The following NPEPPS variants were observed in gnomAD, a reference collection of about 807,000 sequenced individuals.
NPEPPS encodes aminopeptidase puromycin sensitive, also known as puromycin-sensitive aminopeptidase.
In NPEPPS, 14 loss-of-function variants were observed where a neutral mutation model predicts 115.5. That is an observed-to-expected ratio of 0.12 (90% CI 0.08 to 0.19). The LOEUF is 0.19. Ranked by LOEUF, NPEPPS falls within the 10% of genes least tolerant of loss-of-function variation. The probability of loss-of-function intolerance (pLI) is 1.00; values close to 1 mark genes in which losing one functional copy is unlikely to be tolerated. For missense variants in NPEPPS, 523 were observed against 1,110.8 expected (o/e 0.47, Z 7.52); for synonymous variants, 285 against 390.6 (o/e 0.73, Z 3.19).
At chr17:47,532,672 A>AG (rs1487298221) in intron 1 of NPEPPS, among the ~76,000 whole-genome samples, 1 of 151,272 alleles carries the variant, frequency 6.6e-6, no homozygotes, top group African/African-American at 2.4e-5. Context: ...AAAAAAAAAA[A>AG]AAAAAAAAAG....
At chr17:47,544,380 A>T (rs1909031067) in intron 1 of NPEPPS, among the ~76,000 whole-genome samples, 1 of 152,180 alleles carries the variant, frequency 6.6e-6, no homozygotes. Flanking sequence ...TTATAGTGTC[A>T]GCCTTCTTCC....
chr17:47,534,501 A>T (rs554714587), intron 1 of NPEPPS, among the ~76,000 whole-genome samples: 1 of 152,200 alleles, frequency 6.6e-6, no homozygotes, highest in South Asian at 2.1e-4. Flanking sequence ...AAATTTTACG[A>T]TAAGCCCAGA....
At chr17:47,571,897 C>G (rs1014314152) in intron 3 of NPEPPS, among the ~76,000 whole-genome samples, 1 of 152,208 alleles carries the variant, frequency 6.6e-6, no homozygotes, top group African/African-American at 2.4e-5. Flanking sequence ...AATAGGATCA[C>G]AAATCTCAGT....
chr17:47,574,848 A>G (rs1200501232), intron 3 of NPEPPS, among the ~76,000 whole-genome samples: 2 of 152,108 alleles, frequency 1.3e-5, no homozygotes, highest in Non-Finnish European at 2.9e-5. Context: ...TACCTCAGAG[A>G]GAGGATCTTG....
chr17:47,585,559 C>G lies in NPEPPS; in HGVS notation c.708C>G (p.Ala236=), dbSNP rs1468344144. The G allele has an allele frequency of 6.2e-7, 1 of 1,613,702 alleles. No homozygotes were observed. The highest frequency in any genetic ancestry group is 2.2e-5 in the East Asian group (1 of 44,878). Reference sequence around the variant, plus strand: ...AAAATTTAGTGGAAGTGAAGTTTGCCCGCACACCTGTTATGTCTACATATC... The same window carrying G: ...AAAATTTAGTGGAAGTGAAGTTTGCGCGCACACCTGTTATGTCTACATATC... ...DDENLVEVKF[A]RTPVMSTYLV... Residue 236 remains alanine, a synonymous_variant, in exon 6 of 23, where the codon GCC becomes GCG. Transcript: ENST00000322157.
chr17:47,555,097 A>C (rs892648623), intron 2 of NPEPPS, among the ~76,000 whole-genome samples: 7 of 152,160 alleles, frequency 4.6e-5, no homozygotes, highest in African/African-American at 1.4e-4. Context: ...CATGTGCTCT[A>C]TCCTATTAAC....
chr17:47,541,052 G>A (rs945013544), intron 1 of NPEPPS, among the ~76,000 whole-genome samples: 18 of 152,152 alleles, frequency 1.2e-4, no homozygotes, highest in African/African-American at 3.4e-4. Flanking sequence ...GAGTTGGAAG[G>A]TACTTGTAAT....
At chr17:47,555,412 AT>A (rs1443908647) in intron 2 of NPEPPS, among the ~76,000 whole-genome samples, 1 of 146,572 alleles carries the variant, frequency 6.8e-6, no homozygotes, top group Non-Finnish European at 1.5e-5. Flanking sequence ...CAATGGCATG[AT>A]TTTGGCTCGC....
upstream of NPEPPS, among the ~76,000 whole-genome samples, chr17:47,526,512 T>C (rs549896234): frequency 6.6e-6 from 1 of 152,290 alleles, no homozygotes; most frequent in South Asian, 2.1e-4. Context: ...CTGGAGAATA[T>C]ATGTTAAAGG....
chr17:47,532,376 CT>C (rs1315772501), intron 1 of NPEPPS, among the ~76,000 whole-genome samples: 2 of 152,130 alleles, frequency 1.3e-5, no homozygotes, highest in African/African-American at 4.8e-5. Context: ...AAGAAGCTGG[CT>C]GGGCGCGGTG....
intron 2 of NPEPPS, among the ~76,000 whole-genome samples, chr17:47,567,478 T>C (rs1270586706): frequency 2.6e-5 from 4 of 152,232 alleles, no homozygotes; most frequent in Non-Finnish European, 5.9e-5. Context: ...AAGGTACTCA[T>C]GCCCACCTCT....
intron 22 of NPEPPS, 83 bp downstream of exon 22, chr17:47,619,867 A>ATGTAC: frequency 9.5e-7 from 1 of 1,054,362 alleles, no homozygotes. Flanking sequence ...TGTTGGGATA[A>ATGTAC]TGTACTGTAG....
chr17:47,609,328 G>A (rs1913706006), intron 17 of NPEPPS, among the ~76,000 whole-genome samples: 1 of 152,148 alleles, frequency 6.6e-6, no homozygotes, highest in South Asian at 2.1e-4. Flanking sequence ...TAAATTAATG[G>A]ATGTTGCACT....
intron 22 of NPEPPS, chr17:47,620,344 A>C (rs1262449055): frequency 6.6e-6 from 1 of 152,360 alleles, no homozygotes; most frequent in East Asian, 1.9e-4. Flanking sequence ...ATAGTTTGGA[A>C]TGGGGAAGAG....
rs376563645 is a variant in NPEPPS at position 47,605,407 on chromosome 17, T to C, written c.1950T>C (p.Thr650=). ...MEAFVNEPNY[T]VWSDLSCNLG... is the part of the protein sequence containing the mutation. ...CTTTTGTGAATGAGCCCAATTATAC[T>C]GTATGGAGCGACCTGAGCTGTAACC... is the stretch of plus-strand genomic sequence containing the variant. Residue 650 remains threonine, a synonymous_variant, in exon 17 of 23, where the codon ACT becomes ACC. Coordinates refer to ENST00000322157, the MANE Select transcript of NPEPPS (RefSeq NM_006310.4). 9.9e-6 allele frequency: 16 copies of C among 1,610,912 alleles called. No individual in the cohort carries two copies. Among genetic ancestry groups the C allele is most frequent in the African/African-American group, 1.3e-5 (1 of 74,900 alleles).
chr17:47,587,642 G>A (rs1295443924), intron 9 of NPEPPS, among the ~76,000 whole-genome samples: 10 of 152,188 alleles, frequency 6.6e-5, no homozygotes, highest in African/African-American at 2.4e-4. Context: ...CTTAGGTGTA[G>A]ATGAATGAAT....
intron 17 of NPEPPS, 67 bp from the exon 18 acceptor site, chr17:47,612,393 C>A: frequency 6.5e-7 from 1 of 1,544,640 alleles, no homozygotes; most frequent in South Asian, 1.2e-5. Flanking sequence ...TATAAGATAT[C>A]CAAATGGCAA....
chr17:47,534,379 A>G (rs1408421038), intron 1 of NPEPPS, among the ~76,000 whole-genome samples: 1 of 152,164 alleles, frequency 6.6e-6, no homozygotes, highest in African/African-American at 2.4e-5. Flanking sequence ...GTGCCCGGCG[A>G]CAAAATTCTT....
chr17:47,619,903 A>G, intron 22 of NPEPPS, 119 bp downstream of exon 22: 1 of 859,648 alleles, frequency 1.2e-6, no homozygotes, highest in Non-Finnish European at 1.9e-6. Flanking sequence ...GTTTAGAGAA[A>G]GACATCATGC....
Sources: allele counts gnomAD v4.1 joint callset (sites outside exome capture counted in the v4.1 genomes callset), GRCh38; gene constraint gnomAD v4.1.1; transcripts MANE v1.5; gene names NCBI Gene and HGNC (gene_info 2026-07-23, HGNC 2026-07-21).